PSG8: variants seen among roughly 807,000 people sequenced by gnomAD.
PSG8 encodes pregnancy specific beta-1-glycoprotein 8, also known as pregnancy-specific beta-1-glycoprotein 8.
A neutral mutation model predicts 42.5 loss-of-function variants in PSG8; 57 were observed. The ratio of observed to expected loss-of-function variants is 1.34; its 90% CI spans 1.08 to 1.67. The LOEUF is 1.67. PSG8 is among the 40% of genes most tolerant of loss of function. The pLI, the probability that PSG8 is intolerant of heterozygous loss-of-function variation, is 0.00. For missense variants in PSG8, 783 were observed against 518.6 expected, an observed-to-expected ratio of 1.51 and a Z score of -4.95; for synonymous variants, 280 against 196.8, an observed-to-expected ratio of 1.42 and a Z score of -3.54.
At chr19:42,765,149 TTTTTTCTC>T (rs1324711607) in intron 1 of PSG8, among the ~76,000 whole-genome samples, 3 of 146,162 alleles carry the variant, frequency 2.1e-5, no homozygotes, top group African/African-American at 8.2e-5. Context: ...CCTTTTTCTC[TTTTTTCTC>T]TTTTTTTTTT....
rs141198872 is a variant in PSG8 at position 42,760,221 on chromosome 19, A to T, written c.431-1941T>A. Among the ~76,000 whole-genome samples the T allele has an allele frequency of 6.1e-3, 931 of 152,196 alleles. 13 individuals are homozygous for T. The highest frequency in any genetic ancestry group is 0.021 in the African/African-American group (867 of 41,528). ...GCTCATGTGTCTCCCCACACGCAGA[A>T]CTCCAACTTATGAAAATGGCATCAA... On this transcript the variant is annotated intron_variant, in intron 2 of 4. Coordinates refer to ENST00000306511, the MANE Select transcript of PSG8 (RefSeq NM_182707.3).
At position 42,754,271 on chromosome 19, in the gene PSG8, C is replaced by T. The variant is rs1370364842; in HGVS notation, c.*24G>A. The stretch of plus-strand genomic sequence containing the variant: ...GAATAAAAATGTTTTCCTGACTCTT[C>T]CCTGAAGGCCAGATAGACTCCACCT... On this transcript the variant is annotated 3_prime_UTR_variant, in exon 5 of 5. Coordinates refer to ENST00000306511, the MANE Select transcript of PSG8 (RefSeq NM_182707.3). The T allele has an allele frequency of 1.4e-5, 23 of 1,608,734 alleles. No homozygotes were observed. In the East Asian group the frequency reaches 4.7e-4, roughly 33 times the overall value.
intron 1 of PSG8, among the ~76,000 whole-genome samples, chr19:42,764,766 G>GTGA (rs1970173614): frequency 6.6e-6 from 1 of 151,994 alleles, no homozygotes; most frequent in Non-Finnish European, 1.5e-5. Flanking sequence ...CCATGACAGC[G>GTGA]TGAGCTCCAT....
At chr19:42,761,320 A>C (rs10422702) in intron 2 of PSG8, among the ~76,000 whole-genome samples, 4,554 of 152,292 alleles carry the variant, frequency 0.03, 231 homozygotes, top group African/African-American at 0.1. Flanking sequence ...CTGCCTTTGT[A>C]AAACTAGTGA....
At chr19:42,757,528 A>G (rs1053517813) in intron 3 of PSG8, among the ~76,000 whole-genome samples, 2 of 152,104 alleles carry the variant, frequency 1.3e-5, no homozygotes, top group African/African-American at 2.4e-5. Flanking sequence ...GTGAGGCAGG[A>G]GAGCTTGGGG....
chr19:42,764,685 C>G (rs1970171229), intron 1 of PSG8, among the ~76,000 whole-genome samples: 1 of 152,106 alleles, frequency 6.6e-6, no homozygotes, highest in African/African-American at 2.4e-5. Context: ...TTTCCCTGCT[C>G]TGCTCCCTCC....
At chr19:42,759,394 C>G (rs1052749093) in intron 2 of PSG8, among the ~76,000 whole-genome samples, 1 of 152,126 alleles carries the variant, frequency 6.6e-6, no homozygotes, top group Non-Finnish European at 1.5e-5. Flanking sequence ...CTAGAGATCT[C>G]CTGTACAGCC....
downstream of PSG8, chr19:42,753,344 G>C (rs199501013): frequency 1.2e-5 from 9 of 780,392 alleles, no homozygotes; most frequent in Non-Finnish European, 2.2e-5. Flanking sequence ...AATGGAATTG[G>C]AGGAACTAGT....
chr19:42,754,471 T>G lies in PSG8; in HGVS notation c.1105A>C (p.Asn369His), dbSNP rs751797895. ...TGTCCTGATAGCTGAAACTTCCCAT[T>G]AATTGTCCAAGAATACTGTGCCGGT... ...NPPAQYSWTI[N>H]GKFQLSGQKL... Residue 369 changes from asparagine (N) to histidine (H), a missense_variant, in exon 5 of 5, where the codon AAT (asparagine) becomes CAT (histidine). Asn to His is a moderately conservative substitution (Grantham distance 68, BLOSUM62 1). Transcript: ENST00000306511. The G allele has an allele frequency of 3.7e-6, 6 of 1,613,906 alleles. No homozygotes were observed. In the East Asian group the frequency reaches 1.3e-4, roughly 36 times the overall value.
intron 4 of PSG8, 120 bp from the exon 5 acceptor site, chr19:42,754,707 C>T: frequency 1.5e-6 from 2 of 1,338,096 alleles, no homozygotes; most frequent in Admixed American, 2.6e-5. Flanking sequence ...CCAGCCCAAC[C>T]CCCTCTATGT....
chr19:42,759,513 C>A (rs1344233576), intron 2 of PSG8, among the ~76,000 whole-genome samples: 2 of 152,118 alleles, frequency 1.3e-5, no homozygotes, highest in Admixed American at 1.3e-4. Context: ...AGTACATGTA[C>A]TGGTTTAGCA....
Position 42,758,293 on chromosome 19 carries a change from CAGAG to C in PSG8, c.431-17_431-14del. On this transcript the variant is annotated splice_polypyrimidine_tract_variant and intron_variant, in intron 2 of 4. Coordinates refer to ENST00000306511, the MANE Select transcript of PSG8 (RefSeq NM_182707.3). The stretch of plus-strand genomic sequence containing the variant: ...TTGGGAGTCTCCACTGTGCAGAAAA[CAGAG>C]AGAAGATTGCCCTGTGTGGCACCTT... 2 of 1,611,678 alleles carry C rather than the reference CAGAG, an allele frequency of 1.2e-6. No homozygotes were observed. Among genetic ancestry groups the C allele is most frequent in the Non-Finnish European group, 1.7e-6 (2 of 1,178,612 alleles).
intron 1 of PSG8, 25 bp downstream of exon 1, chr19:42,765,493 C>T: frequency 6.2e-7 from 1 of 1,608,790 alleles, no homozygotes; most frequent in Non-Finnish European, 8.5e-7. Context: ...TCCTCCTGTC[C>T]TCTCCCAGGA....
downstream of PSG8, among the ~76,000 whole-genome samples, chr19:42,753,536 T>G (rs1969833567): frequency 6.6e-6 from 1 of 152,210 alleles, no homozygotes; most frequent in African/African-American, 2.4e-5. Context: ...CAAAATAGGT[T>G]GAGTTTCTTC....
Position 42,764,135 on chromosome 19 carries a change from G to C in PSG8, c.211C>G (p.Gln71Glu), listed in dbSNP as rs757187752. The C allele has an allele frequency of 1.2e-6, 2 of 1,613,842 alleles. No individual in the cohort carries two copies. Among genetic ancestry groups the C allele is most frequent in the African/African-American group, 2.7e-5 (2 of 74,982 alleles). Reference protein sequence around the residue: ...NLTGYIWYKGQIRDLYHYITS... With the variant: ...NLTGYIWYKGEIRDLYHYITS... ...ATGTAATGGTAGAGGTCCCTGATTTGCCCTTTGTACCAGATGTAGCCAGTA... is the reference window on the plus strand; with the variant it reads ...ATGTAATGGTAGAGGTCCCTGATTTCCCCTTTGTACCAGATGTAGCCAGTA... The change falls in exon 2 of 5, where the codon CAA becomes GAA. Residue 71 changes from glutamine to glutamate, a missense_variant. Transcript: ENST00000306511.
chr19:42,765,111 C>A (rs1428729305), intron 1 of PSG8, among the ~76,000 whole-genome samples: 1 of 151,922 alleles, frequency 6.6e-6, no homozygotes, highest in Non-Finnish European at 1.5e-5. Context: ...GTATTTCCCC[C>A]TATCCAGGCT....
At chr19:42,763,842 C>G in intron 2 of PSG8, 74 bp downstream of exon 2, 1 of 1,610,158 alleles carries the variant, frequency 6.2e-7, no homozygotes, top group Non-Finnish European at 8.5e-7. Flanking sequence ...ATGTCCAGGC[C>G]TGACAATCCT....
At chr19:42,757,506 G>A (rs1039572192) in intron 3 of PSG8, among the ~76,000 whole-genome samples, 1 of 152,100 alleles carries the variant, frequency 6.6e-6, no homozygotes, top group Non-Finnish European at 1.5e-5. Context: ...CTCTGCCAGT[G>A]GGTGAGAGTC....
intron 2 of PSG8, among the ~76,000 whole-genome samples, chr19:42,759,476 A>T (rs530712348): frequency 6.6e-6 from 1 of 152,016 alleles, no homozygotes; most frequent in African/African-American, 2.4e-5. Context: ...TTGGATTTCT[A>T]ATTTTTTTTT....
Sources: gnomAD v4.1 joint callset for allele counts (sites outside exome capture counted in the v4.1 genomes callset) on GRCh38, gnomAD v4.1.1 for gene constraint, MANE v1.5 for transcripts, NCBI Gene and HGNC (gene_info 2026-07-23, HGNC 2026-07-21) for gene names.